The following C2orf42 variants were observed in gnomAD, a reference collection of about 807,000 sequenced individuals.
C2orf42 encodes the protein uncharacterized protein C2orf42.
C2orf42 carries 44 observed loss-of-function variants against 58.9 expected under a neutral mutation model. That is an observed-to-expected ratio of 0.75 (90% confidence interval 0.59 to 0.96). C2orf42 has a LOEUF of 0.96. C2orf42 is among the 40% of genes least tolerant of loss of function. The pLI, the probability that C2orf42 is intolerant of heterozygous loss-of-function variation, is 0.00. For synonymous variants in C2orf42, 239 were observed against 265.4 expected (o/e 0.90, Z 0.97); for missense variants, 630 against 699.2 (o/e 0.90, Z 1.12).
chr2:70,154,745 TTTTTGTTTTG>T (rs553263180), intron 9 of C2orf42, among the ~76,000 whole-genome samples: 110 of 151,984 alleles, frequency 7.2e-4, no homozygotes, highest in African/African-American at 2.2e-3. Context: ...GAATCAAAGT[TTTTTGTTTTG>T]TTTTGTTTTG....
In C2orf42 at chr2:70,181,897, C is replaced by G; in HGVS notation, c.89G>C (p.Arg30Pro). Reference sequence around the variant, plus strand: ...CCGGGTTCCATTGTATGTGCCACATCGGGGACACTTTCTGATTCCCCTCAA... The same window carrying G: ...CCGGGTTCCATTGTATGTGCCACATGGGGGACACTTTCTGATTCCCCTCAA... The part of the protein sequence containing the change: ...ATLRGIRKCP[R>P]CGTYNGTRGL... The change falls in exon 3 of 10, where the codon CGA becomes CCA. Residue 30 changes from arginine to proline, a missense_variant. Coordinates refer to ENST00000264434, the MANE Select transcript of C2orf42 (RefSeq NM_017880.3). The G allele has an allele frequency of 6.2e-7, 1 of 1,613,602 alleles. No individual in the cohort carries two copies. The highest frequency in any genetic ancestry group is 8.5e-7 in the Non-Finnish European group (1 of 1,179,588).
At chr2:70,169,516 C>T (rs2104909485) in intron 6 of C2orf42, 41 bp downstream of exon 6, 1 of 1,029,362 alleles carries the variant, frequency 9.7e-7, no homozygotes. Context: ...CTTAATTTCT[C>T]CTACTTTCAG....
chr2:70,150,713 A>C (rs544370463), intron 9 of C2orf42, 149 bp from the exon 10 acceptor site: 1 of 623,534 alleles, frequency 1.6e-6, no homozygotes, highest in African/African-American at 1.8e-5. Context: ...GGTGATTGGG[A>C]TATCAGATTT....
chr2:70,174,082 C>T (rs1674023071), intron 5 of C2orf42, among the ~76,000 whole-genome samples: 1 of 152,030 alleles, frequency 6.6e-6, no homozygotes, highest in East Asian at 1.9e-4. Flanking sequence ...CTGAGGTGAG[C>T]AGATCACTTG....
At chr2:70,164,138 C>G (rs940044442) in intron 8 of C2orf42, among the ~76,000 whole-genome samples, 1 of 151,154 alleles carries the variant, frequency 6.6e-6, no homozygotes, top group African/African-American at 2.4e-5. Flanking sequence ...ATGGGGAAAC[C>G]CCATCTCTAC....
intron 9 of C2orf42, among the ~76,000 whole-genome samples, chr2:70,160,083 G>C (rs1241649840): frequency 6.6e-6 from 1 of 151,256 alleles, no homozygotes; most frequent in South Asian, 2.1e-4. Context: ...AGATCACAAA[G>C]CTAAATTAGT....
chr2:70,167,841 G>A (rs1365980622), intron 6 of C2orf42, among the ~76,000 whole-genome samples: 1 of 152,136 alleles, frequency 6.6e-6, no homozygotes, highest in African/African-American at 2.4e-5. Flanking sequence ...AATGGAGATG[G>A]TAAGATGGAA....
chr2:70,164,618 C>T (rs1673281334), intron 8 of C2orf42, among the ~76,000 whole-genome samples: 1 of 151,830 alleles, frequency 6.6e-6, no homozygotes, highest in Non-Finnish European at 1.5e-5. Context: ...GGTGACAGAG[C>T]AAGACTCCAT....
chr2:70,188,453 G>A (rs557211164), intron 1 of C2orf42, among the ~76,000 whole-genome samples: 2 of 152,292 alleles, frequency 1.3e-5, no homozygotes, highest in East Asian at 3.9e-4. Flanking sequence ...GCCTCCCAAA[G>A]TACTGGGATT....
chr2:70,160,864 T>A (rs1673015906), intron 8 of C2orf42, 77 bp from the exon 9 acceptor site: 1 of 844,178 alleles, frequency 1.2e-6, no homozygotes, highest in Non-Finnish European at 1.8e-6. Context: ...TGACGACAAA[T>A]CTTTTATTAT....
chr2:70,185,734 C>T (rs112833123), intron 1 of C2orf42, among the ~76,000 whole-genome samples: 17,781 of 150,128 alleles, frequency 0.12, 1,392 homozygotes, highest in African/African-American at 0.23. Flanking sequence ...TATATATATA[C>T]ACACACACAC....
At chr2:70,181,039 T>C (rs1674528303) in intron 3 of C2orf42, 124 bp downstream of exon 3, 1 of 520,956 alleles carries the variant, frequency 1.9e-6, no homozygotes. Context: ...AAGGAACACT[T>C]TTCATTTGAA....
In C2orf42 at chr2:70,181,403, C is replaced by G. The variant is rs577479936; in HGVS notation, c.583G>C (p.Ala195Pro). ...TKNILVVKCK[A>P]SQKHSLGYLH... Reference sequence around the variant, plus strand: ...TACCCCAAACTGTGCTTCTGGCTTGCCTTGCATTTCACCACCAAGATGTTT... The same window carrying G: ...TACCCCAAACTGTGCTTCTGGCTTGGCTTGCATTTCACCACCAAGATGTTT... The change falls in exon 3 of 10, where the codon GCA becomes CCA. Residue 195 changes from alanine to proline, a missense_variant. By Grantham distance (27) the Ala-to-Pro change is conservative (BLOSUM62 -1). Transcript: ENST00000264434. 1 of 1,614,140 alleles carries G rather than the reference C, an allele frequency of 6.2e-7. No homozygotes were observed. Among genetic ancestry groups the G allele is most frequent in the East Asian group, 2.2e-5 (1 of 44,886 alleles).
At position 70,189,474 on chromosome 2, in the gene C2orf42, T is replaced by C. The variant is rs185185769; in HGVS notation, c.-282+1499A>G. Among the ~76,000 whole-genome samples the C allele has an allele frequency of 5.6e-3, 832 of 149,142 alleles. 7 individuals carry two copies. The highest frequency in any genetic ancestry group is 0.02 in the African/African-American group (789 of 40,130). ...GGCTCACGCCTGTAATCCCAGCACT[T>C]TGGGAGGCCGAGGCGGGCAGATCAC... On this transcript the variant is annotated intron_variant, in intron 1 of 9. Transcript: ENST00000264434.
intron 8 of C2orf42, among the ~76,000 whole-genome samples, chr2:70,163,687 TA>T (rs962077150): frequency 2.0e-5 from 3 of 151,398 alleles, no homozygotes; most frequent in Non-Finnish European, 4.4e-5. Context: ...CTGTCTCTAC[TA>T]AAAATACAAA....
At chr2:70,152,202 T>C (rs1433271578) in intron 9 of C2orf42, among the ~76,000 whole-genome samples, 1 of 152,232 alleles carries the variant, frequency 6.6e-6, no homozygotes, top group Non-Finnish European at 1.5e-5. Context: ...ATCACTGATA[T>C]GATGAGAAAC....
chr2:70,188,617 T>C (rs1675114341), intron 1 of C2orf42, among the ~76,000 whole-genome samples: 1 of 152,176 alleles, frequency 6.6e-6, no homozygotes, highest in African/African-American at 2.4e-5. Context: ...TATATAAACA[T>C]GGGACATTTG....
chr2:70,189,567 A>T (rs1033907053), intron 1 of C2orf42, among the ~76,000 whole-genome samples: 1 of 151,342 alleles, frequency 6.6e-6, no homozygotes, highest in South Asian at 2.1e-4. Flanking sequence ...AATACAAAAA[A>T]TTAGCTGGGC....
chr2:70,179,472 A>C (rs968820736), intron 4 of C2orf42, 60 bp downstream of exon 4: 9 of 608,008 alleles, frequency 1.5e-5, no homozygotes, highest in African/African-American at 1.5e-4. Flanking sequence ...TCAAAGACAT[A>C]AAACGCAGTA....
Sources: gnomAD v4.1 joint callset for allele counts (sites outside exome capture counted in the v4.1 genomes callset) on GRCh38, gnomAD v4.1.1 for gene constraint, MANE v1.5 for transcripts, NCBI Gene and HGNC (gene_info 2026-07-23, HGNC 2026-07-21) for gene names.